SI: variants seen among roughly 807,000 people sequenced by gnomAD.
The protein encoded by SI is sucrase-isomaltase, intestinal.
In SI, 235 loss-of-function variants were observed where a neutral mutation model predicts 253.3. That is an observed-to-expected ratio of 0.93 (90% CI 0.83 to 1.03). The LOEUF (loss-of-function observed/expected upper bound fraction) is 1.03. SI is among the 50% of genes least tolerant of loss of function. The pLI is 0.00. For missense variants in SI, 2,442 were observed against 2,211.1 expected, an observed-to-expected ratio of 1.10 and a Z score of -2.09; for synonymous variants, 819 against 712.0, an observed-to-expected ratio of 1.15 and a Z score of -2.39.
At chr3:165,033,073 A>T (rs1712334682) in intron 23 of SI, among the ~76,000 whole-genome samples, 1 of 151,480 alleles carries the variant, frequency 6.6e-6, no homozygotes, top group South Asian at 2.1e-4. Flanking sequence ...TATTACTGTG[A>T]CTAATTCATT....
the SI span, among the ~76,000 whole-genome samples, chr3:165,087,212 G>A: frequency 6.6e-6 from 1 of 151,982 alleles, no homozygotes; most frequent in Non-Finnish European, 1.5e-5. Context: ...ACCACCAGGA[G>A]GGTCTCCTTG....
At chr3:165,023,798 A>T in intron 25 of SI, 22 bp from the exon 26 acceptor site, 3 of 1,517,002 alleles carry the variant, frequency 2.0e-6, no homozygotes, top group Non-Finnish European at 2.7e-6. Context: ...ATGCATGTTC[A>T]TTGCCAGAAA....
chr3:165,007,420 T>C (rs1012918906), intron 36 of SI, among the ~76,000 whole-genome samples: 1 of 152,068 alleles, frequency 6.6e-6, no homozygotes, highest in South Asian at 2.1e-4. Flanking sequence ...ATATGAAACA[T>C]CACATTCATC....
chr3:165,064,112 A>T (rs1236333641), intron 7 of SI, among the ~76,000 whole-genome samples: 1 of 151,742 alleles, frequency 6.6e-6, no homozygotes, highest in Non-Finnish European at 1.5e-5. Context: ...AAATAAAATA[A>T]TAACTTAGTC....
chr3:165,016,816 T>A (rs1180562668), intron 31 of SI, among the ~76,000 whole-genome samples: 1 of 151,972 alleles, frequency 6.6e-6, no homozygotes, highest in African/African-American at 2.4e-5. Flanking sequence ...TTTTAAATAA[T>A]AAATTTCCAC....
chr3:165,072,297 GATAA>G (rs747469441), intron 3 of SI, among the ~76,000 whole-genome samples: 2 of 151,858 alleles, frequency 1.3e-5, no homozygotes, highest in Non-Finnish European at 2.9e-5. Flanking sequence ...TATTTAAGAT[GATAA>G]ATAATTGCTT....
Position 165,059,150 on chromosome 3 carries a change from G to A in SI, c.1278+18C>T. Reference sequence around the variant, plus strand: ...CGTGTAAACACTAAAAATGTATTAAGGTATAATTGATTATTACCAAGATGA... The same window carrying A: ...CGTGTAAACACTAAAAATGTATTAAAGTATAATTGATTATTACCAAGATGA... On this transcript the variant is annotated intron_variant, in intron 11 of 47. Coordinates refer to ENST00000264382, the MANE Select transcript of SI (RefSeq NM_001041.4). The A allele has an allele frequency of 6.2e-7, 1 of 1,611,766 alleles. No individual in the cohort carries two copies. The highest frequency in any genetic ancestry group is 8.5e-7 in the Non-Finnish European group (1 of 1,178,782).
chr3:165,087,496 A>T, the SI span, among the ~76,000 whole-genome samples: 1 of 152,142 alleles, frequency 6.6e-6, no homozygotes, highest in African/African-American at 2.4e-5. Context: ...AACCATCCTT[A>T]CAACCACCCC....
chr3:165,063,522 C>T lies in SI; in HGVS notation c.827G>A (p.Gly276Asp), dbSNP rs1576918286. Residue 276 changes from glycine to aspartate, a missense_variant, in exon 8 of 48, where the codon GGC (glycine) becomes GAC (aspartate). Coordinates refer to ENST00000264382, the MANE Select transcript of SI (RefSeq NM_001041.4). ...AATACACATAAAGAATGTTTGATGG[C>T]CGTATAAATTATTATTATTCTATAA... ...LPGDNNNNLYGHQTFFMCIED... is the reference protein window; with the variant it reads ...LPGDNNNNLYDHQTFFMCIED... The T allele has an allele frequency of 6.6e-7, 1 of 1,514,638 alleles. No individual in the cohort carries two copies. Among genetic ancestry groups the T allele is most frequent in the Non-Finnish European group, 9.1e-7 (1 of 1,101,078 alleles). The allele number at this position is 1,514,638 out of a possible 1,614,324, so 93.8% of individuals were successfully genotyped here. A position where few individuals can be genotyped will look rare whatever the true frequency, so the allele number is the denominator to read the frequency against.
At chr3:165,025,781 C>A (rs868746577) in intron 25 of SI, among the ~76,000 whole-genome samples, 2 of 151,426 alleles carry the variant, frequency 1.3e-5, no homozygotes, top group African/African-American at 4.8e-5. Flanking sequence ...TTCAGACAAA[C>A]AAATGCTGAG....
chr3:165,000,341 T>A (rs1185703741), intron 37 of SI, among the ~76,000 whole-genome samples: 2 of 147,496 alleles, frequency 1.4e-5, no homozygotes, highest in Non-Finnish European at 3.0e-5. Context: ...TTTCACACAA[T>A]GGGCACAAAG....
intron 22 of SI, among the ~76,000 whole-genome samples, chr3:165,034,944 T>A (rs1712450841): frequency 6.6e-6 from 1 of 151,906 alleles, no homozygotes; most frequent in African/African-American, 2.4e-5. Context: ...TAAATTAACA[T>A]GAAAGATGGT....
chr3:165,079,437 C>A (rs1295796386), upstream of SI, among the ~76,000 whole-genome samples: 1 of 151,208 alleles, frequency 6.6e-6, no homozygotes, highest in African/African-American at 2.4e-5. Context: ...GTTTTTGAAG[C>A]AAACTAAATA....
At chr3:165,084,516 A>T in the SI span, among the ~76,000 whole-genome samples, 4 of 152,124 alleles carry the variant, frequency 2.6e-5, no homozygotes, top group African/African-American at 9.6e-5. Flanking sequence ...TTTTTTCTGT[A>T]TAATATTATC....
At position 165,035,986 on chromosome 3, in the gene SI, T is replaced by C. The variant is rs111623645; in HGVS notation, c.2515+403A>G. On this transcript the variant is annotated intron_variant, in intron 22 of 47. Transcript: ENST00000264382. ...TATTCTTACCTCAAATAATTTGACA[T>C]TAAATAACTAAATCTTTAAATGTTG... is the stretch of plus-strand genomic sequence containing the variant. 3.9e-3 allele frequency among the ~76,000 whole-genome samples: 587 copies of C among 151,964 alleles called. 4 individuals are homozygous for C. Among genetic ancestry groups the C allele is most frequent in the African/African-American group, 0.013 (546 of 41,556 alleles).
intron 21 of SI, among the ~76,000 whole-genome samples, chr3:165,037,425 T>G (rs1002709360): frequency 2.6e-5 from 4 of 151,852 alleles, no homozygotes. Flanking sequence ...TTTCTGAGAT[T>G]TACACTTAGT....
At chr3:165,057,022 C>G (rs1172558301) in intron 12 of SI, among the ~76,000 whole-genome samples, 1 of 151,964 alleles carries the variant, frequency 6.6e-6, no homozygotes, top group Non-Finnish European at 1.5e-5. Flanking sequence ...CCTGGAAAGA[C>G]AGAGATGTGT....
At chr3:165,089,902 AC>A in the SI span, among the ~76,000 whole-genome samples, 10 of 152,234 alleles carry the variant, frequency 6.6e-5, no homozygotes, top group East Asian at 1.9e-4. Flanking sequence ...ACAGAGAGGC[AC>A]AGAGAGAAAC....
chr3:165,055,391 G>A, intron 12 of SI, 84 bp from the exon 13 acceptor site: 3 of 768,986 alleles, frequency 3.9e-6, no homozygotes, highest in Admixed American at 4.3e-5. Flanking sequence ...GTTGAGAATA[G>A]TAAAAAAAAA....
Sources: allele counts gnomAD v4.1 joint callset (sites outside exome capture counted in the v4.1 genomes callset), GRCh38; gene constraint gnomAD v4.1.1; transcripts MANE v1.5; gene names NCBI Gene and HGNC (gene_info 2026-07-23, HGNC 2026-07-21).